The following RPIA variants were observed in gnomAD, a reference collection of about 807,000 sequenced individuals.
RPIA encodes the protein ribose-5-phosphate isomerase.
A neutral mutation model predicts 37.8 loss-of-function variants in RPIA; 29 were observed. That is an observed-to-expected ratio of 0.77 (90% CI 0.57 to 1.05). The LOEUF is 1.05. Among genes scored for constraint, RPIA ranks in the 50% least tolerant of loss-of-function variants. The pLI is 0.00. For synonymous variants in RPIA, 167 were observed against 157.0 expected (o/e 1.06, Z -0.48); for missense variants, 385 against 413.6 (o/e 0.93, Z 0.60).
intron 8 of RPIA, among the ~76,000 whole-genome samples, chr2:88,744,141 AG>A (rs1673414087): frequency 6.6e-6 from 1 of 151,370 alleles, no homozygotes; most frequent in Non-Finnish European, 1.5e-5. Context: ...TAGGCATTTA[AG>A]GCTATGAGCT....
intron 1 of RPIA, among the ~76,000 whole-genome samples, chr2:88,693,712 G>C (rs995469515): frequency 5.3e-5 from 8 of 152,220 alleles, no homozygotes; most frequent in African/African-American, 1.7e-4. Context: ...AAAGTGTTGG[G>C]GTTATTGGAG....
intron 8 of RPIA, among the ~76,000 whole-genome samples, chr2:88,746,648 T>C (rs1673441075): frequency 6.6e-6 from 1 of 152,186 alleles, no homozygotes; most frequent in African/African-American, 2.4e-5. Flanking sequence ...CAGCACCTGC[T>C]TCGGTGGAGG....
intron 3 of RPIA, among the ~76,000 whole-genome samples, chr2:88,712,511 C>T (rs776217484): frequency 6.6e-6 from 1 of 152,202 alleles, no homozygotes; most frequent in Non-Finnish European, 1.5e-5. Flanking sequence ...CTTTACCTTG[C>T]TCTCACAGTT....
At chr2:88,698,453 G>A (rs1341543948) in intron 1 of RPIA, 31 bp from the exon 2 acceptor site, 1 of 1,601,820 alleles carries the variant, frequency 6.2e-7, no homozygotes, top group Non-Finnish European at 8.6e-7. Context: ...ATATTAATAA[G>A]TTTTGTTTTT....
chr2:88,725,256 G>C (rs553700347), intron 3 of RPIA, among the ~76,000 whole-genome samples: 1 of 152,196 alleles, frequency 6.6e-6, no homozygotes, highest in African/African-American at 2.4e-5. Context: ...TGAGCCAGTA[G>C]TGGGTCAAAA....
intron 3 of RPIA, among the ~76,000 whole-genome samples, chr2:88,721,617 A>G (rs1000023391): frequency 1.4e-5 from 2 of 138,176 alleles, no homozygotes; most frequent in African/African-American, 5.2e-5. Flanking sequence ...ACTATTCACA[A>G]TAGCAAAGAC....
intron 3 of RPIA, among the ~76,000 whole-genome samples, chr2:88,708,192 G>A (rs1672919158): frequency 6.6e-6 from 1 of 152,198 alleles, no homozygotes; most frequent in Non-Finnish European, 1.5e-5. Flanking sequence ...TGTCTATCAG[G>A]TCTTGTCTGC....
In RPIA at chr2:88,720,112, A is replaced by AT. The variant is rs1673100887; in HGVS notation, c.403-9163dup. Among the ~76,000 whole-genome samples, 3 of 152,138 alleles carry AT rather than the reference A, an allele frequency of 2.0e-5. 1 individual carries two copies. In the South Asian group the frequency reaches 6.2e-4, roughly 32 times the overall value. On this transcript the variant is annotated intron_variant, in intron 3 of 8. Coordinates refer to ENST00000283646, the MANE Select transcript of RPIA (RefSeq NM_144563.3). ...TGATGAGGCTTTAATTACTGTCAGT[A>AT]TTTAAGATTTTACAGGACTTGGTAT...
At chr2:88,725,483 G>A (rs1055803222) in intron 3 of RPIA, among the ~76,000 whole-genome samples, 1 of 150,784 alleles carries the variant, frequency 6.6e-6, no homozygotes, top group Admixed American at 6.6e-5. Context: ...TCGGTGGGTT[G>A]CTGATATCCT....
chr2:88,737,970 C>T lies in RPIA; in HGVS notation c.739-7C>T, dbSNP rs374590507. The stretch of plus-strand genomic sequence containing the variant: ...ATCCTTGGTCACTGTGGAAAATTAT[C>T]TTCTAGGGTCCTGTGGTGACAGATA... On this transcript the variant is annotated splice_region_variant and splice_polypyrimidine_tract_variant and intron_variant, in intron 7 of 8. Coordinates refer to ENST00000283646, the MANE Select transcript of RPIA (RefSeq NM_144563.3). 3.7e-6 allele frequency: 6 copies of T among 1,609,688 alleles called. No homozygotes were observed. The South Asian group carries it at 5.5e-5, about 15-fold the overall frequency.
At chr2:88,709,944 C>G (rs1433906304) in intron 3 of RPIA, among the ~76,000 whole-genome samples, 1 of 152,196 alleles carries the variant, frequency 6.6e-6, no homozygotes, top group Non-Finnish European at 1.5e-5. Context: ...GGGGACTAAA[C>G]TACTGAAGGT....
Position 88,691,925 on chromosome 2 carries a change from C to T in RPIA, c.227C>T (p.Ser76Phe), listed in dbSNP as rs74675255. The part of the protein sequence containing the change: ...NSICPAPSTM[S>F]KAEEAKKLAG... ...ATCTGCCCGGCCCCCTCCACGATGT[C>T]CAAGGCCGAGGAGGCCAAGAAGCTG... Residue 76 changes from serine to phenylalanine, a missense_variant, in exon 1 of 9, where the codon TCC (serine) becomes TTC (phenylalanine). Around this residue, in one of 2 missense-constraint regions of RPIA, gnomAD observed 232 missense variants for 203.0 expected, o/e 1.14. Coordinates refer to ENST00000283646, the MANE Select transcript of RPIA (RefSeq NM_144563.3). The T allele has an allele frequency of 1.3e-6, 2 of 1,597,546 alleles. No individual in the cohort carries two copies. The highest frequency in any genetic ancestry group is 4.5e-5 in the East Asian group (2 of 44,236).
At chr2:88,715,810 T>A (rs942886550) in intron 3 of RPIA, among the ~76,000 whole-genome samples, 1 of 152,190 alleles carries the variant, frequency 6.6e-6, no homozygotes, top group African/African-American at 2.4e-5. Flanking sequence ...TTTCTCCTCT[T>A]TCATGAGGTT....
chr2:88,723,641 C>A (rs781056428), intron 3 of RPIA, among the ~76,000 whole-genome samples: 26 of 152,092 alleles, frequency 1.7e-4, no homozygotes, highest in Non-Finnish European at 3.7e-4. Context: ...AGGGGTACCT[C>A]TACTCAGAAT....
intron 3 of RPIA, among the ~76,000 whole-genome samples, chr2:88,718,687 G>C (rs1673066222): frequency 6.6e-6 from 1 of 152,174 alleles, no homozygotes; most frequent in Admixed American, 6.5e-5. Context: ...AAAATAACCA[G>C]TTTCTTTAAT....
chr2:88,695,017 G>A lies in RPIA; in HGVS notation c.285+3034G>A, dbSNP rs564522261. Reference sequence around the variant, plus strand: ...AAAAGAAAAAGAAAAAGAAAAGCTCGAGAGGACAGGGTTTGGAAGCTTCTG... The same window carrying A: ...AAAAGAAAAAGAAAAAGAAAAGCTCAAGAGGACAGGGTTTGGAAGCTTCTG... On this transcript the variant is annotated intron_variant, in intron 1 of 8. Coordinates refer to ENST00000283646, the MANE Select transcript of RPIA (RefSeq NM_144563.3). Among the ~76,000 whole-genome samples, 20 of 151,270 alleles carry A rather than the reference G, an allele frequency of 1.3e-4. No homozygotes were observed. In the South Asian group the frequency reaches 2.3e-3, roughly 17 times the overall value.
intron 3 of RPIA, among the ~76,000 whole-genome samples, chr2:88,708,480 A>G (rs1301635440): frequency 6.6e-6 from 1 of 152,256 alleles, no homozygotes; most frequent in Admixed American, 6.5e-5. Context: ...ATGGTATTTA[A>G]GATCTTCGTC....
rs540029279 is a variant in RPIA, at chr2:88,692,084, G to A, written c.285+101G>A. ...GCCGGGGCGCGCCTAGCTCCTGGCAGGGCGGGAGCTGAGTGAGAGGGTAGA... is the reference window on the plus strand; with the variant it reads ...GCCGGGGCGCGCCTAGCTCCTGGCAAGGCGGGAGCTGAGTGAGAGGGTAGA... On this transcript the variant is annotated intron_variant, in intron 1 of 8. Transcript: ENST00000283646. 2.4e-4 allele frequency: 347 copies of A among 1,428,970 alleles called. 2 individuals are homozygous for A. In the African/African-American group the frequency reaches 4.3e-3, roughly 18 times the overall value. The allele number at this position is 1,428,970 out of a possible 1,614,324, so 88.5% of individuals were successfully genotyped here.
At chr2:88,734,711 C>A in intron 5 of RPIA, 95 bp downstream of exon 5, 4 of 1,294,692 alleles carry the variant, frequency 3.1e-6, no homozygotes, top group Non-Finnish European at 4.5e-6. Context: ...GCCACTGTGA[C>A]ATATGCAAGT....
Sources: gnomAD v4.1 joint callset for allele counts (sites outside exome capture counted in the v4.1 genomes callset) on GRCh38, gnomAD v4.1.1 for gene constraint, gnomAD v4.1.1 regional missense constraint, MANE v1.5 for transcripts, NCBI Gene and HGNC (gene_info 2026-07-23, HGNC 2026-07-21) for gene names.